Variants in GRID2 observed in about 807,000 individuals in gnomAD.
GRID2 encodes the protein glutamate ionotropic receptor delta type subunit 2.
A neutral mutation model predicts 114.8 loss-of-function variants in GRID2; 33 were observed. That is an observed-to-expected ratio of 0.29 (90% CI 0.22 to 0.38). The LOEUF (loss-of-function observed/expected upper bound fraction) is 0.38, where lower values mean the gene tolerates loss of function less well. Among genes scored for constraint, GRID2 ranks in the 10% least tolerant of loss-of-function variants. GRID2 has a pLI of 1.00. For synonymous variants in GRID2, 505 were observed against 449.9 expected, an observed-to-expected ratio of 1.12 and a Z score of -1.55; for missense variants, 1,184 against 1,257.7, an observed-to-expected ratio of 0.94 and a Z score of 0.89.
chr4:93,663,325 T>G (rs1156237242), intron 14 of GRID2, among the ~76,000 whole-genome samples: 1 of 152,176 alleles, frequency 6.6e-6, no homozygotes. Context: ...TGAAGAGTCC[T>G]CTTAAGATTT....
At chr4:92,541,159 G>A (rs1188439584) in intron 1 of GRID2, among the ~76,000 whole-genome samples, 1 of 152,058 alleles carries the variant, frequency 6.6e-6, no homozygotes, top group Non-Finnish European at 1.5e-5. Flanking sequence ...GGGGAGAGGG[G>A]GGAGGGATAG....
chr4:93,230,534 C>A (rs867283301), intron 7 of GRID2, among the ~76,000 whole-genome samples: 59 of 151,794 alleles, frequency 3.9e-4, no homozygotes, highest in African/African-American at 1.2e-3. Context: ...GTAACTTGTA[C>A]AGTTATAGAG....
At chr4:92,443,705 A>T (rs1055648477) in intron 1 of GRID2, among the ~76,000 whole-genome samples, 1 of 152,010 alleles carries the variant, frequency 6.6e-6, no homozygotes, top group African/African-American at 2.4e-5. Flanking sequence ...AGGGGTAGAG[A>T]CAAGGAGAGA....
chr4:92,396,050 A>G (rs1341520544), intron 1 of GRID2, among the ~76,000 whole-genome samples: 1 of 151,910 alleles, frequency 6.6e-6, no homozygotes, highest in Non-Finnish European at 1.5e-5. Context: ...GATAAGACAT[A>G]TTATTTATTT....
intron 2 of GRID2, among the ~76,000 whole-genome samples, chr4:92,918,709 T>A (rs2149500414): frequency 6.6e-6 from 1 of 152,288 alleles, no homozygotes; most frequent in South Asian, 2.1e-4. Context: ...GCCCACTGGA[T>A]CATGGTGGAT....
rs531895262 is a variant in GRID2, at chr4:93,650,689, C to A, written c.2360+24254C>A. ...AAAAAGTCCTTTGGGATGTTTTATG[C>A]AGAATGCTACGTCCTAGTTTAAATC... On this transcript the variant is annotated intron_variant, in intron 14 of 15. Coordinates refer to ENST00000282020, the MANE Select transcript of GRID2 (RefSeq NM_001510.4). Among the ~76,000 whole-genome samples, 8 of 152,220 alleles carry A rather than the reference C, an allele frequency of 5.3e-5. No individual in the cohort carries two copies. The South Asian group carries it at 1.7e-3, about 32-fold the overall frequency.
chr4:93,540,932 A>G (rs78445925), intron 13 of GRID2, among the ~76,000 whole-genome samples: 1,812 of 152,288 alleles, frequency 0.012, 34 homozygotes, highest in African/African-American at 0.041. Flanking sequence ...GCCCTTTCTT[A>G]AACATATTAA....
intron 13 of GRID2, among the ~76,000 whole-genome samples, chr4:93,591,246 T>C (rs1364024526): frequency 1.3e-5 from 2 of 151,714 alleles, no homozygotes; most frequent in Non-Finnish European, 2.9e-5. Flanking sequence ...ACCTAATTTA[T>C]TGAGAGTTTT....
chr4:93,596,333 A>C (rs936071295), intron 13 of GRID2, among the ~76,000 whole-genome samples: 3 of 152,208 alleles, frequency 2.0e-5, no homozygotes, highest in Non-Finnish European at 2.9e-5. Context: ...CAGTCCCAGC[A>C]CTTTGGGAGG....
At chr4:93,656,829 C>CAAAAAAAAAAAAAAAA (rs61508444) in intron 14 of GRID2, among the ~76,000 whole-genome samples, 1 of 31,914 alleles carries the variant, frequency 3.1e-5, no homozygotes, top group African/African-American at 1.1e-4. Flanking sequence ...GACTCTGCCT[C>CAAAAAAAAAAAAAAAA]AAAAAAAAAA....
chr4:93,203,321 T>A (rs1742308050), intron 4 of GRID2, among the ~76,000 whole-genome samples: 1 of 152,146 alleles, frequency 6.6e-6, no homozygotes, highest in Admixed American at 6.6e-5. Flanking sequence ...TTACAAAAAA[T>A]TTCAAGCTTC....
chr4:92,473,238 CTTTA>C (rs1250086416), intron 1 of GRID2, among the ~76,000 whole-genome samples: 11 of 152,036 alleles, frequency 7.2e-5, no homozygotes, highest in Non-Finnish European at 1.5e-4. Flanking sequence ...CTCCATTCTA[CTTTA>C]TTGCTTTATT....
chr4:92,920,604 T>A (rs1214326447), intron 2 of GRID2, among the ~76,000 whole-genome samples: 1 of 152,224 alleles, frequency 6.6e-6, no homozygotes, highest in African/African-American at 2.4e-5. Context: ...TCTTCACTTA[T>A]GAGGCTTAGT....
intron 2 of GRID2, among the ~76,000 whole-genome samples, chr4:92,992,157 C>T (rs954482622): frequency 6.6e-6 from 1 of 152,148 alleles, no homozygotes; most frequent in Non-Finnish European, 1.5e-5. Flanking sequence ...TGTATCTTTA[C>T]ATTTTCACTA....
intron 9 of GRID2, among the ~76,000 whole-genome samples, chr4:93,419,074 C>CTT (rs58832079): frequency 0.098 from 10,591 of 108,590 alleles, 929 homozygotes; most frequent in African/African-American, 0.24. Context: ...CATGATTTTC[C>CTT]TTTTTTTTTT....
intron 13 of GRID2, among the ~76,000 whole-genome samples, chr4:93,537,662 G>A (rs1732226086): frequency 6.6e-6 from 1 of 151,794 alleles, no homozygotes; most frequent in Non-Finnish European, 1.5e-5. Flanking sequence ...GGAAATTGCA[G>A]AAAGATATTT....
intron 2 of GRID2, among the ~76,000 whole-genome samples, chr4:92,683,092 G>A (rs566082095): frequency 3.3e-5 from 5 of 152,144 alleles, no homozygotes; most frequent in African/African-American, 4.8e-5. Flanking sequence ...AAGGTCAGGG[G>A]ATCAAGACCA....
At chr4:92,918,145 C>T (rs1748974055) in intron 2 of GRID2, among the ~76,000 whole-genome samples, 2 of 152,082 alleles carry the variant, frequency 1.3e-5, no homozygotes, top group Non-Finnish European at 1.5e-5. Context: ...TGATTTGGCT[C>T]TCTGTTTGTC....
At chr4:92,615,763 T>C (rs1276175089) in intron 2 of GRID2, among the ~76,000 whole-genome samples, 2 of 151,636 alleles carry the variant, frequency 1.3e-5, no homozygotes, top group African/African-American at 4.8e-5. Flanking sequence ...TATTAGTTTT[T>C]GTACTATATA....
Sources: allele counts gnomAD v4.1 joint callset (sites outside exome capture counted in the v4.1 genomes callset), GRCh38; gene constraint gnomAD v4.1.1; transcripts MANE v1.5; gene names NCBI Gene and HGNC (gene_info 2026-07-23, HGNC 2026-07-21).